DSCAM: variants seen among roughly 807,000 people sequenced by gnomAD.
The protein encoded by DSCAM is DS cell adhesion molecule, also known as cell adhesion molecule DSCAM.
DSCAM carries 47 observed loss-of-function variants against 217.7 expected under a neutral mutation model. The observed-to-expected ratio is 0.22, with a 90% CI of 0.17 to 0.28. The LOEUF is 0.28. Ranked by LOEUF, DSCAM falls within the 10% of genes least tolerant of loss-of-function variation. The pLI is 1.00. For synonymous variants in DSCAM, 1,056 were observed against 1,015.3 expected, an observed-to-expected ratio of 1.04 and a Z score of -0.76; for missense variants, 2,080 against 2,618.3, an observed-to-expected ratio of 0.79 and a Z score of 4.49.
In DSCAM at chr21:40,748,494, G is replaced by A. The variant is rs140088828; in HGVS notation, c.44-39723C>T. On this transcript the variant is annotated intron_variant, in intron 1 of 32. Coordinates refer to ENST00000400454, the MANE Select transcript of DSCAM (RefSeq NM_001389.5). Reference sequence around the variant, plus strand: ...TAATTCCATGTACAATAGTTACAAGGTATAAATAAAATGCCTATAAATAAA... The same window carrying A: ...TAATTCCATGTACAATAGTTACAAGATATAAATAAAATGCCTATAAATAAA... Among the ~76,000 whole-genome samples, 1,048 of 151,916 alleles carry A rather than the reference G, an allele frequency of 6.9e-3. 14 individuals are homozygous for A. The highest frequency in any genetic ancestry group is 0.024 in the African/African-American group (999 of 41,500).
chr21:40,808,925 T>A (rs2091813014), intron 1 of DSCAM, among the ~76,000 whole-genome samples: 1 of 152,164 alleles, frequency 6.6e-6, no homozygotes, highest in Non-Finnish European at 1.5e-5. Context: ...GACCATCAGC[T>A]CCAGGCTCCT....
At chr21:40,746,578 T>C (rs1393918300) in intron 1 of DSCAM, among the ~76,000 whole-genome samples, 1 of 151,920 alleles carries the variant, frequency 6.6e-6, no homozygotes, top group Non-Finnish European at 1.5e-5. Context: ...AAAACATTAA[T>C]AGATCTGAAA....
At chr21:40,730,788 T>G (rs959397638) in intron 1 of DSCAM, among the ~76,000 whole-genome samples, 1 of 152,202 alleles carries the variant, frequency 6.6e-6, no homozygotes, top group Non-Finnish European at 1.5e-5. Context: ...TTGCATATTT[T>G]GGGGCACCTA....
At chr21:40,115,616 C>T (rs1328558742) in intron 20 of DSCAM, among the ~76,000 whole-genome samples, 2 of 152,042 alleles carry the variant, frequency 1.3e-5, no homozygotes, top group Non-Finnish European at 1.5e-5. Context: ...TCATCTCACA[C>T]CAGGCAGAAT....
At chr21:40,364,136 G>T (rs375799556) in intron 4 of DSCAM, among the ~76,000 whole-genome samples, 52 of 152,210 alleles carry the variant, frequency 3.4e-4, no homozygotes, top group Admixed American at 1.6e-3. Flanking sequence ...CTCAGGGATC[G>T]AGAACTAGAA....
intron 27 of DSCAM, among the ~76,000 whole-genome samples, chr21:40,074,045 A>C (rs1348397580): frequency 8.5e-5 from 13 of 152,250 alleles, no homozygotes. Flanking sequence ...GGTGCTTTGG[A>C]TAAGTGAAGA....
At chr21:40,498,644 ATAGT>A (rs1204875372) in intron 3 of DSCAM, among the ~76,000 whole-genome samples, 1 of 113,192 alleles carries the variant, frequency 8.8e-6, no homozygotes, top group Non-Finnish European at 1.9e-5. Context: ...ATATATATAT[ATAGT>A]GTGTGTGTAT....
At chr21:40,642,795 G>T (rs577963823) in intron 3 of DSCAM, among the ~76,000 whole-genome samples, 4 of 152,102 alleles carry the variant, frequency 2.6e-5, no homozygotes, top group South Asian at 2.1e-4. Flanking sequence ...CTGCCATGTT[G>T]CCCAGGCTGG....
At chr21:40,072,232 TAC>T (rs2089301592) in intron 27 of DSCAM, among the ~76,000 whole-genome samples, 1 of 152,210 alleles carries the variant, frequency 6.6e-6, no homozygotes, top group Non-Finnish European at 1.5e-5. Flanking sequence ...GTAGATAATC[TAC>T]AGTGGTTTGT....
At chr21:40,551,938 C>G (rs1470735238) in intron 3 of DSCAM, among the ~76,000 whole-genome samples, 2 of 152,132 alleles carry the variant, frequency 1.3e-5, no homozygotes, top group African/African-American at 4.8e-5. Flanking sequence ...TCCATTCAGT[C>G]AGCTGGGGGG....
intron 4 of DSCAM, among the ~76,000 whole-genome samples, chr21:40,364,930 A>G (rs564199604): frequency 3.2e-4 from 48 of 150,286 alleles, no homozygotes; most frequent in African/African-American, 1.2e-3. Flanking sequence ...ATAAATTTTC[A>G]AGAATTATAA....
At chr21:40,585,959 C>G (rs1488465373) in intron 3 of DSCAM, among the ~76,000 whole-genome samples, 2 of 152,178 alleles carry the variant, frequency 1.3e-5, no homozygotes, top group African/African-American at 2.4e-5. Context: ...CAAGTTCAAG[C>G]GATTCGCCTG....
At position 40,637,137 on chromosome 21, in the gene DSCAM, A is replaced by G. The variant is rs1342946813; in HGVS notation, c.508+55673T>C. Among the ~76,000 whole-genome samples the G allele has an allele frequency of 2.7e-4, 20 of 75,446 alleles. 1 individual carries two copies. The highest frequency in any genetic ancestry group is 1.0e-3 in the African/African-American group (20 of 19,082). 49.5% of individuals were successfully genotyped at this position (75,446 alleles called of 152,430 possible). On this transcript the variant is annotated intron_variant, in intron 3 of 32. Coordinates refer to ENST00000400454, the MANE Select transcript of DSCAM (RefSeq NM_001389.5). ...TATATATATATATATATAAATATATAAATATATATATAAATATATATAAAT... is the reference window on the plus strand; with the variant it reads ...TATATATATATATATATAAATATATGAATATATATATAAATATATATAAAT...
At chr21:40,362,582 T>C (rs1212321257) in intron 4 of DSCAM, among the ~76,000 whole-genome samples, 11 of 152,246 alleles carry the variant, frequency 7.2e-5, no homozygotes, top group Admixed American at 7.2e-4. Context: ...AATTTTCTAA[T>C]TGTGTCATTT....
At chr21:40,127,835 C>A (rs1221721168) in intron 19 of DSCAM, among the ~76,000 whole-genome samples, 1 of 152,154 alleles carries the variant, frequency 6.6e-6, no homozygotes, top group South Asian at 2.1e-4. Context: ...TGGGCTCTCC[C>A]CCTGATCTGA....
intron 10 of DSCAM, among the ~76,000 whole-genome samples, chr21:40,284,810 GT>G (rs2073805019): frequency 6.6e-6 from 1 of 152,120 alleles, no homozygotes; most frequent in Non-Finnish European, 1.5e-5. Flanking sequence ...CACCATCCAG[GT>G]GTGACACCGT....
At chr21:40,558,874 T>C (rs2837705) in intron 3 of DSCAM, among the ~76,000 whole-genome samples, 68,331 of 152,034 alleles carry the variant, frequency 0.45, 16,691 homozygotes, top group Admixed American at 0.55. Context: ...TCACTACGTA[T>C]GCCAGGATGA....
chr21:40,833,601 G>C, intron 1 of DSCAM, among the ~76,000 whole-genome samples: 1 of 152,220 alleles, frequency 6.6e-6, no homozygotes. Flanking sequence ...AATGACAAAA[G>C]AGGGAACACA....
intron 3 of DSCAM, among the ~76,000 whole-genome samples, chr21:40,662,763 G>A (rs1394471371): frequency 3.3e-5 from 5 of 152,080 alleles, no homozygotes; most frequent in South Asian, 2.1e-4. Flanking sequence ...AGGAGAAGTC[G>A]GCTTCTGCCA....
Sources: gnomAD v4.1 joint callset for allele counts (sites outside exome capture counted in the v4.1 genomes callset) on GRCh38, gnomAD v4.1.1 for gene constraint, MANE v1.5 for transcripts, NCBI Gene and HGNC (gene_info 2026-07-23, HGNC 2026-07-21) for gene names.